MRPL48: variants seen among roughly 807,000 people sequenced by gnomAD.
MRPL48 encodes the protein mitochondrial ribosomal protein L48.
Under a neutral mutation model 32.9 loss-of-function variants are expected in MRPL48, and 16 were observed. The ratio of observed to expected loss-of-function variants is 0.49; its 90% CI spans 0.33 to 0.74. The LOEUF (loss-of-function observed/expected upper bound fraction) is 0.74, where lower values mean the gene tolerates loss of function less well. Ranked by LOEUF, MRPL48 falls within the 30% of genes least tolerant of loss-of-function variation. The pLI, the probability that MRPL48 is intolerant of heterozygous loss-of-function variation, is 0.02. For missense variants in MRPL48, 206 were observed against 245.3 expected (o/e 0.84, Z 1.07); for synonymous variants, 94 against 89.2 (o/e 1.05, Z -0.31).
chr11:73,863,517 G>T (rs1948620062), intron 7 of MRPL48, among the ~76,000 whole-genome samples: 1 of 152,170 alleles, frequency 6.6e-6, no homozygotes, highest in Non-Finnish European at 1.5e-5. Flanking sequence ...AGCCTATGAG[G>T]CCCCAGAATT....
chr11:73,811,608 A>G (rs1299685483), intron 3 of MRPL48, among the ~76,000 whole-genome samples: 3 of 152,212 alleles, frequency 2.0e-5, no homozygotes, highest in Admixed American at 6.5e-5. Flanking sequence ...AAAAAGATCT[A>G]TGTTCAAGTC....
intron 4 of MRPL48, among the ~76,000 whole-genome samples, chr11:73,838,690 A>G (rs1438555023): frequency 6.6e-6 from 1 of 152,196 alleles, no homozygotes; most frequent in Non-Finnish European, 1.5e-5. Flanking sequence ...AGAGAGCCAA[A>G]TGCCTGCATG....
chr11:73,855,926 T>C (rs1183559325), intron 5 of MRPL48, among the ~76,000 whole-genome samples: 4 of 152,256 alleles, frequency 2.6e-5, no homozygotes, highest in Admixed American at 1.3e-4. Context: ...TAACATGCAC[T>C]TCTTGCTCTT....
At chr11:73,845,083 CT>C in intron 5 of MRPL48, 107 bp downstream of exon 5, 1 of 1,139,640 alleles carries the variant, frequency 8.8e-7, no homozygotes, top group Non-Finnish European at 1.2e-6. Flanking sequence ...AAAATTAACT[CT>C]TTTTAGTTAT....
At chr11:73,844,249 G>A (rs1948244534) in intron 4 of MRPL48, among the ~76,000 whole-genome samples, 1 of 151,788 alleles carries the variant, frequency 6.6e-6, no homozygotes, top group Non-Finnish European at 1.5e-5. Context: ...GGGCAGCATG[G>A]TGAAACCCCA....
chr11:73,821,666 G>C (rs1228837801), intron 3 of MRPL48, among the ~76,000 whole-genome samples: 1 of 152,088 alleles, frequency 6.6e-6, no homozygotes. Flanking sequence ...GCTTATCATA[G>C]ACAGCCCTTA....
intron 4 of MRPL48, among the ~76,000 whole-genome samples, chr11:73,836,395 C>T (rs1948104545): frequency 6.6e-6 from 1 of 152,114 alleles, no homozygotes; most frequent in South Asian, 2.1e-4. Context: ...GACGGGTTTT[C>T]ACCATGTTGG....
At chr11:73,829,856 T>C (rs35506086) in intron 4 of MRPL48, among the ~76,000 whole-genome samples, 8,382 of 152,246 alleles carry the variant, frequency 0.055, 256 homozygotes, top group Middle Eastern at 0.11. Flanking sequence ...CCTCTGCCTC[T>C]CAGGCTCAAA....
chr11:73,845,431 A>T (rs965882951), intron 5 of MRPL48, among the ~76,000 whole-genome samples: 2 of 152,224 alleles, frequency 1.3e-5, no homozygotes, highest in Non-Finnish European at 2.9e-5. Flanking sequence ...TCATAATGTT[A>T]TACAAGCATC....
At chr11:73,806,161 A>C (rs1221714366) in intron 2 of MRPL48, among the ~76,000 whole-genome samples, 1 of 152,044 alleles carries the variant, frequency 6.6e-6, no homozygotes, top group Non-Finnish European at 1.5e-5. Flanking sequence ...GATTCTTTTA[A>C]AGCCAAGTTA....
chr11:73,825,976 T>C (rs1042475104), intron 4 of MRPL48, among the ~76,000 whole-genome samples, 180 bp downstream of exon 4: 4 of 152,228 alleles, frequency 2.6e-5, no homozygotes, highest in African/African-American at 9.6e-5. Context: ...ACTTCCAATC[T>C]TATCCCTAGG....
At chr11:73,836,340 C>A (rs1216180503) in intron 4 of MRPL48, among the ~76,000 whole-genome samples, 2 of 151,960 alleles carry the variant, frequency 1.3e-5, no homozygotes, top group Non-Finnish European at 2.9e-5. Context: ...GGATTACAGT[C>A]ACTCACCACC....
chr11:73,841,369 G>A (rs761165404), intron 4 of MRPL48, among the ~76,000 whole-genome samples: 1 of 152,020 alleles, frequency 6.6e-6, no homozygotes, highest in Non-Finnish European at 1.5e-5. Context: ...TATTCATAAC[G>A]GCCCCATACT....
At chr11:73,793,102 G>T (rs1292790621) in intron 1 of MRPL48, among the ~76,000 whole-genome samples, 3 of 152,160 alleles carry the variant, frequency 2.0e-5, no homozygotes, top group African/African-American at 4.8e-5. Flanking sequence ...TTTTGCTCTT[G>T]TTGCCCAGGC....
chr11:73,788,740 G>T (rs944157950), intron 1 of MRPL48, among the ~76,000 whole-genome samples: 1 of 151,998 alleles, frequency 6.6e-6, no homozygotes, highest in African/African-American at 2.4e-5. Context: ...CCAAAGTGCC[G>T]GGATTACAGG....
chr11:73,854,013 G>A (rs1286255325), intron 5 of MRPL48, among the ~76,000 whole-genome samples: 1 of 152,008 alleles, frequency 6.6e-6, no homozygotes, highest in Non-Finnish European at 1.5e-5. Context: ...AAAGGTTGAT[G>A]GCAAAGAACA....
chr11:73,857,068 G>A (rs1005025267), intron 5 of MRPL48, among the ~76,000 whole-genome samples: 2 of 151,698 alleles, frequency 1.3e-5, no homozygotes, highest in African/African-American at 4.8e-5. Context: ...TTGTCTTACT[G>A]TAGTACAATG....
intron 1 of MRPL48, among the ~76,000 whole-genome samples, chr11:73,796,607 C>T (rs1415721051): frequency 1.3e-5 from 2 of 152,228 alleles, no homozygotes; most frequent in Non-Finnish European, 1.5e-5. Context: ...CAGAAGGGGG[C>T]AGGTTCCCAT....
chr11:73,803,751 T>C (rs913961809), intron 1 of MRPL48, among the ~76,000 whole-genome samples: 1 of 151,780 alleles, frequency 6.6e-6, no homozygotes, highest in African/African-American at 2.4e-5. Flanking sequence ...TTCTTTCCCG[T>C]AAAACAAACA....
Sources: gnomAD v4.1 joint callset for allele counts (sites outside exome capture counted in the v4.1 genomes callset) on GRCh38, gnomAD v4.1.1 for gene constraint, MANE v1.5 for transcripts, NCBI Gene and HGNC (gene_info 2026-07-23, HGNC 2026-07-21) for gene names.